The following TMOD1 variants were observed in gnomAD, a reference collection of about 807,000 sequenced individuals.
The protein encoded by TMOD1 is tropomodulin 1.
A neutral mutation model predicts 40.6 loss-of-function variants in TMOD1; 17 were observed. That is an observed-to-expected ratio of 0.42 (90% CI 0.29 to 0.63). The LOEUF (loss-of-function observed/expected upper bound fraction) is 0.63. Among genes scored for constraint, TMOD1 ranks in the 20% least tolerant of loss-of-function variants. The pLI is 0.22. For synonymous variants in TMOD1, 181 were observed against 175.0 expected, an observed-to-expected ratio of 1.03 and a Z score of -0.27; for missense variants, 391 against 447.6, an observed-to-expected ratio of 0.87 and a Z score of 1.14.
chr9:97,553,427 CA>C (rs1830483059), intron 4 of TMOD1, 27 bp downstream of exon 4: 2 of 1,613,886 alleles, frequency 1.2e-6, no homozygotes, highest in East Asian at 4.5e-5. Flanking sequence ...GAGCTTTCCA[CA>C]TCCTCCAGAA....
intron 4 of TMOD1, among the ~76,000 whole-genome samples, chr9:97,562,518 A>T (rs1456854190): frequency 6.6e-6 from 1 of 152,246 alleles, no homozygotes; most frequent in African/African-American, 2.4e-5. Context: ...TCAGGGAATC[A>T]GAGGCCAGGG....
intron 8 of TMOD1, among the ~76,000 whole-genome samples, chr9:97,576,087 A>T (rs2131276902): frequency 6.6e-6 from 1 of 152,332 alleles, no homozygotes; most frequent in African/African-American, 2.4e-5. Flanking sequence ...CCGTGAAGCC[A>T]ATAGAAGGAA....
At chr9:97,589,214 TGTATAGAA>T (rs2131290375) in intron 8 of TMOD1, among the ~76,000 whole-genome samples, 1 of 151,482 alleles carries the variant, frequency 6.6e-6, no homozygotes, top group Admixed American at 6.6e-5. Context: ...TTATTGCTAG[TGTATAGAA>T]GTACAACTGA....
chr9:97,566,517 A>T (rs1830730551), intron 7 of TMOD1, among the ~76,000 whole-genome samples: 1 of 152,032 alleles, frequency 6.6e-6, no homozygotes, highest in South Asian at 2.1e-4. Flanking sequence ...CTAAAAGTAT[A>T]AAAATTACCT....
chr9:97,514,498 A>G (rs1483148920), intron 1 of TMOD1, among the ~76,000 whole-genome samples: 1 of 152,130 alleles, frequency 6.6e-6, no homozygotes, highest in Non-Finnish European at 1.5e-5. Context: ...TCAGAACCTC[A>G]GCTTGCATGA....
intron 2 of TMOD1, among the ~76,000 whole-genome samples, chr9:97,529,603 T>C (rs1367454571): frequency 6.6e-6 from 1 of 151,976 alleles, no homozygotes; most frequent in Non-Finnish European, 1.5e-5. Context: ...TATCATGAGA[T>C]TGTTGCACTT....
chr9:97,519,763 A>G (rs1335399498), intron 1 of TMOD1, among the ~76,000 whole-genome samples: 1 of 152,186 alleles, frequency 6.6e-6, no homozygotes, highest in Admixed American at 6.5e-5. Flanking sequence ...GAAGACACAT[A>G]GAACACGGGT....
intron 2 of TMOD1, among the ~76,000 whole-genome samples, chr9:97,538,423 G>A (rs993017593): frequency 2.6e-5 from 4 of 151,876 alleles, no homozygotes; most frequent in African/African-American, 4.8e-5. Context: ...ATGAATTGAC[G>A]GCTGCTTTGG....
intron 9 of TMOD1, among the ~76,000 whole-genome samples, chr9:97,598,221 C>CT (rs1200665686): frequency 1.3e-5 from 2 of 150,550 alleles, no homozygotes; most frequent in African/African-American, 4.9e-5. Flanking sequence ...GCTAGCTACT[C>CT]AGGAGGCTGA....
intron 1 of TMOD1, among the ~76,000 whole-genome samples, chr9:97,503,449 G>A (rs117412007): frequency 0.02 from 3,055 of 152,276 alleles, 51 homozygotes; most frequent in Non-Finnish European, 0.029. Flanking sequence ...AGAATTAACG[G>A]GAAATGGAGT....
intron 8 of TMOD1, among the ~76,000 whole-genome samples, chr9:97,589,486 G>A (rs560216617): frequency 6.6e-6 from 1 of 151,350 alleles, no homozygotes; most frequent in East Asian, 2.0e-4. Context: ...TCACCACGTT[G>A]GCCAGGATAG....
At chr9:97,501,664 G>A (rs946361790), upstream of TMOD1, 1 of 137,928 alleles carries the variant, frequency 7.3e-6, no homozygotes. Context: ...GCGGCCGCCC[G>A]GGAGCTCGTC....
At chr9:97,504,787 C>T (rs761877435) in intron 1 of TMOD1, among the ~76,000 whole-genome samples, 16 of 152,142 alleles carry the variant, frequency 1.1e-4, no homozygotes, top group Admixed American at 2.0e-4. Flanking sequence ...CTGCTGAGCC[C>T]GGTCGTAATG....
intron 3 of TMOD1, among the ~76,000 whole-genome samples, chr9:97,546,556 C>T (rs1241957397): frequency 6.6e-6 from 1 of 152,146 alleles, no homozygotes; most frequent in Non-Finnish European, 1.5e-5. Flanking sequence ...AGGAAAGACT[C>T]CTATCCACTC....
intron 2 of TMOD1, among the ~76,000 whole-genome samples, chr9:97,539,026 A>AAAACAAAAC (rs1563984208): frequency 1.3e-5 from 2 of 150,380 alleles, no homozygotes; most frequent in Non-Finnish European, 3.0e-5. Flanking sequence ...AAAACAAAAC[A>AAAACAAAAC]AAACAAACAA....
chr9:97,568,020 CT>C lies in TMOD1; in HGVS notation c.727-873del, dbSNP rs76578725. On this transcript the variant is annotated intron_variant, in intron 7 of 9. Transcript: ENST00000259365. ...AGGCTCTGATTGTCATCTACACCCC[CT>C]GGCTGAGTTCCTCTGAAACGTGCTA... 4.3e-3 allele frequency among the ~76,000 whole-genome samples: 656 copies of C among 152,300 alleles called. 27 individuals carry two copies. In the East Asian group the frequency reaches 0.11, roughly 25 times the overall value.
At chr9:97,586,683 C>T (rs1324588009) in intron 8 of TMOD1, among the ~76,000 whole-genome samples, 1 of 152,248 alleles carries the variant, frequency 6.6e-6, no homozygotes, top group Non-Finnish European at 1.5e-5. Context: ...ACCCTCCGAG[C>T]CAGGTGCGGG....
At chr9:97,508,057 T>TCACACACACA (rs56669574) in intron 1 of TMOD1, among the ~76,000 whole-genome samples, 2 of 131,992 alleles carry the variant, frequency 1.5e-5, no homozygotes, top group Non-Finnish European at 3.3e-5. Context: ...TCTTCCTGAT[T>TCACACACACA]CACACACACA....
chr9:97,596,636 T>C (rs1826118354), intron 9 of TMOD1, among the ~76,000 whole-genome samples: 1 of 152,334 alleles, frequency 6.6e-6, no homozygotes, highest in East Asian at 1.9e-4. Flanking sequence ...GTGCTCCACA[T>C]TGGGAGATGG....
Sources: gnomAD v4.1 joint callset for allele counts (sites outside exome capture counted in the v4.1 genomes callset) on GRCh38, gnomAD v4.1.1 for gene constraint, MANE v1.5 for transcripts, NCBI Gene and HGNC (gene_info 2026-07-23, HGNC 2026-07-21) for gene names.